CRIP2: variants seen among roughly 807,000 people sequenced by gnomAD.
CRIP2 encodes cysteine rich protein 2.
Under a neutral mutation model 31.3 loss-of-function variants are expected in CRIP2, and 31 were observed. That is an observed-to-expected ratio of 0.99 (90% CI 0.74 to 1.34). The LOEUF is 1.34. CRIP2 is among the 40% of genes most tolerant of loss of function. The pLI, the probability that CRIP2 is intolerant of heterozygous loss-of-function variation, is 0.00. For synonymous variants in CRIP2, 177 were observed against 127.2 expected, an observed-to-expected ratio of 1.39 and a Z score of -2.63; for missense variants, 389 against 301.6, an observed-to-expected ratio of 1.29 and a Z score of -2.15.
At position 105,478,945 on chromosome 14, in the gene CRIP2, G is replaced by A. The variant is rs1227005664; in HGVS notation, c.338-34G>A. 9.2e-6 allele frequency: 13 copies of A among 1,420,712 alleles called. No individual in the cohort carries two copies. Among genetic ancestry groups the A allele is most frequent in the South Asian group, 4.9e-5 (4 of 81,576 alleles). 88.0% of individuals were successfully genotyped at this position (1,420,712 alleles called of 1,614,324 possible). Reference sequence around the variant, plus strand: ...GGGGCTGGGGGTTGTGGGCACCCCCGGCCCCGCCCCGCCCTGACTCGTGCG... The same window carrying A: ...GGGGCTGGGGGTTGTGGGCACCCCCAGCCCCGCCCCGCCCTGACTCGTGCG... On this transcript the variant is annotated intron_variant, in intron 4 of 7. Transcript: ENST00000329146. This position sits in a 1 kb window ranked among gnomAD's most constrained non-coding sequence, Gnocchi z 4.9.
At chr14:105,476,231 G>A in intron 1 of CRIP2, 6 of 985,482 alleles carry the variant, frequency 6.1e-6, no homozygotes, top group Non-Finnish European at 7.2e-6. Context: ...GGGCTCTCCA[G>A]GGTCTCGGCC....
rs1555437060 is a variant in CRIP2, at chr14:105,479,875, G to A, written c.*222G>A. ...CTCTGGGCGTCCCATGATCCCTTCT[G>A]TGTCTGCGTGTCCGAATCCCCGTGT... is the stretch of plus-strand genomic sequence containing the variant. On this transcript the variant is annotated 3_prime_UTR_variant, in exon 8 of 8. Coordinates refer to ENST00000329146, the MANE Select transcript of CRIP2 (RefSeq NM_001312.4). 28 of 589,140 alleles carry A rather than the reference G, an allele frequency of 4.8e-5. No individual in the cohort carries two copies. The highest frequency in any genetic ancestry group is 7.9e-5 in the Non-Finnish European group (26 of 329,746). 36.5% of individuals were successfully genotyped at this position (589,140 alleles called of 1,614,324 possible). A position where few individuals can be genotyped will look rare whatever the true frequency, so the allele number is the denominator to read the frequency against.
intron 1 of CRIP2, chr14:105,476,191 CT>C (rs1297162129): frequency 1.0e-6 from 1 of 985,378 alleles, no homozygotes; most frequent in African/African-American, 1.7e-5. Context: ...CTGCCCATGA[CT>C]TTACCCCAGG....
rs782257597 is a variant in CRIP2, at chr14:105,478,391, C to CG, written c.138+36dup. The CG allele has an allele frequency of 1.3e-6, 2 of 1,570,626 alleles. No individual in the cohort carries two copies. Among genetic ancestry groups the CG allele is most frequent in the East Asian group, 2.3e-5 (1 of 42,706 alleles). On this transcript the variant is annotated intron_variant, in intron 2 of 7. Coordinates refer to ENST00000329146, the MANE Select transcript of CRIP2 (RefSeq NM_001312.4). The surrounding 1 kb of genome is among the most constrained non-coding windows in gnomAD (Gnocchi z 4.9). ...CCCCACTGCGCGGCGCGGGCGGGGG[C>CG]GGGGGTCGCGACTCCCGCCACCCTC... is the stretch of plus-strand genomic sequence containing the variant.
At chr14:105,476,480 A>T (rs1555435826) in intron 1 of CRIP2, 1 of 985,526 alleles carries the variant, frequency 1.0e-6, no homozygotes, top group Non-Finnish European at 1.2e-6. Context: ...CCATGCAGCC[A>T]GGGTGGGCAG....
In CRIP2 at chr14:105,479,913, G is replaced by T; in HGVS notation, c.*260G>T. The T allele has an allele frequency of 1.8e-6, 1 of 542,328 alleles. No individual in the cohort carries two copies. The highest frequency in any genetic ancestry group is 3.3e-6 in the Non-Finnish European group (1 of 300,576). 33.6% of individuals were successfully genotyped at this position (542,328 alleles called of 1,614,324 possible). ...CGAATCCCCGTGTGACCCTGTCCCA[G>T]CATTTTCCCGCCGACCCTGCGTGTC... On this transcript the variant is annotated 3_prime_UTR_variant, in exon 8 of 8. Transcript: ENST00000329146.
chr14:105,475,962 G>A (rs2141748299), intron 1 of CRIP2: 1 of 985,588 alleles, frequency 1.0e-6, no homozygotes, highest in Non-Finnish European at 1.2e-6. Flanking sequence ...GGGCTTCCCC[G>A]GCTCACAGGC....
upstream of CRIP2, chr14:105,474,619 G>C (rs1475129443): frequency 4.3e-6 from 1 of 233,220 alleles, no homozygotes; most frequent in Non-Finnish European, 6.9e-6. This position sits in a 1 kb window ranked among gnomAD's most constrained non-coding sequence, Gnocchi z 5.1. Flanking sequence ...CGCCACCTCC[G>C]GCGCGAGGGG....
chr14:105,479,247 G>A (rs781930160), intron 6 of CRIP2, 28 bp downstream of exon 6: 10 of 1,589,386 alleles, frequency 6.3e-6, no homozygotes, highest in Non-Finnish European at 7.7e-6. Flanking sequence ...GGGCTTGGGG[G>A]CCGGGCAGGG....
At position 105,479,429 on chromosome 14, in the gene CRIP2, G is replaced by A; in HGVS notation, c.502-7G>A. 1.2e-6 allele frequency: 2 copies of A among 1,612,696 alleles called. No homozygotes were observed. The highest frequency in any genetic ancestry group is 1.1e-5 in the South Asian group (1 of 91,084). On this transcript the variant is annotated splice_polypyrimidine_tract_variant and splice_region_variant and intron_variant, in intron 6 of 7. Coordinates refer to ENST00000329146, the MANE Select transcript of CRIP2 (RefSeq NM_001312.4). ...ACTCCTCCCTCAGCACCCACCTTCT[G>A]CCCCAGCACGACGGCCAGCCCTACT... is the stretch of plus-strand genomic sequence containing the variant.
In CRIP2 at chr14:105,478,965, C is replaced by T. The variant is rs587769009; in HGVS notation, c.338-14C>T. On this transcript the variant is annotated splice_polypyrimidine_tract_variant and intron_variant, in intron 4 of 7. Coordinates refer to ENST00000329146, the MANE Select transcript of CRIP2 (RefSeq NM_001312.4). This position sits in a 1 kb window ranked among gnomAD's most constrained non-coding sequence, Gnocchi z 4.9. ...CCCCCGGCCCCGCCCCGCCCTGACT[C>T]GTGCGCCCCACAGCCTCCAGTGTCA... is the stretch of plus-strand genomic sequence containing the variant. The T allele has an allele frequency of 1.9e-5, 30 of 1,555,952 alleles. No individual in the cohort carries two copies. The highest frequency in any genetic ancestry group is 2.6e-5 in the Non-Finnish European group (30 of 1,156,402).
At chr14:105,479,531 C>T (rs587701482) in intron 7 of CRIP2, 38 bp downstream of exon 7, 75 of 1,612,540 alleles carry the variant, frequency 4.7e-5, no homozygotes, top group Admixed American at 2.5e-4. Context: ...GTCTTCCCTG[C>T]CCTCCCCTTC....
chr14:105,473,303 A>T, upstream of CRIP2: 1 of 918,770 alleles, frequency 1.1e-6, no homozygotes, highest in Non-Finnish European at 1.3e-6. Context: ...GCAGAGGGGG[A>T]GCTGGTCAGG....
At chr14:105,473,345 G>A, upstream of CRIP2, 7 of 1,534,682 alleles carry the variant, frequency 4.6e-6, no homozygotes, top group Non-Finnish European at 6.1e-6. Context: ...CGGGGGGCAT[G>A]TTTCTGGCCT....
intron 1 of CRIP2, chr14:105,477,682 G>GAAGCGGGTGTGTGTGTGT (rs2083964812): frequency 1.1e-6 from 1 of 917,006 alleles, no homozygotes; most frequent in Non-Finnish European, 1.4e-6. Context: ...GGTGTGTGGG[G>GAAGCGGGTGTGTGTGTGT]GGAAGCGGGT....
chr14:105,473,490 G>A, upstream of CRIP2: 1 of 1,535,564 alleles, frequency 6.5e-7, no homozygotes, highest in South Asian at 1.2e-5. Context: ...AAACATGCCT[G>A]GTGCACCAGG....
At chr14:105,477,204 C>G (rs1387663666) in intron 1 of CRIP2, 2 of 920,018 alleles carry the variant, frequency 2.2e-6, no homozygotes, top group African/African-American at 3.6e-5. Context: ...CTCTTCCTGC[C>G]TGGCTCCCTA....
chr14:105,478,556 G>GTGGCGC lies in CRIP2; in HGVS notation c.196+59_196+64dup, dbSNP rs2084006445. ...TGCCCTGGGACCTGCTGGGAGGGGC[G>GTGGCGC]TGGCGCTGGCGCTGGGGAGGGCTGG... On this transcript the variant is annotated intron_variant, in intron 3 of 7. Coordinates refer to ENST00000329146, the MANE Select transcript of CRIP2 (RefSeq NM_001312.4). The surrounding 1 kb of genome is among the most constrained non-coding windows in gnomAD (Gnocchi z 4.9). The GTGGCGC allele has an allele frequency of 1.3e-6, 2 of 1,577,694 alleles. No individual in the cohort carries two copies. Among genetic ancestry groups the GTGGCGC allele is most frequent in the South Asian group, 1.1e-5 (1 of 87,406 alleles).
rs1206025106 is a variant in CRIP2, at chr14:105,478,657, G to A, written c.197-74G>A. On this transcript the variant is annotated intron_variant, in intron 3 of 7. Coordinates refer to ENST00000329146, the MANE Select transcript of CRIP2 (RefSeq NM_001312.4). The surrounding 1 kb of genome is among the most constrained non-coding windows in gnomAD (Gnocchi z 4.9). ...GCCTAGTGCCCCCCAGTCCCCAGCG[G>A]GCCGTTTTCTGAGATGCCCGGTGGC... 1.4e-6 allele frequency: 2 copies of A among 1,462,488 alleles called. No individual in the cohort carries two copies. The highest frequency in any genetic ancestry group is 1.8e-6 in the Non-Finnish European group (2 of 1,107,994). 90.6% of individuals were successfully genotyped at this position (1,462,488 alleles called of 1,614,324 possible).
Sources: allele counts gnomAD v4.1 joint callset, GRCh38; gene constraint gnomAD v4.1.1; non-coding constraint Gnocchi (gnomAD v3.1); transcripts MANE v1.5; gene names NCBI Gene and HGNC (gene_info 2026-07-23, HGNC 2026-07-21).